Variants in SLC44A5 observed in about 807,000 individuals in gnomAD.
SLC44A5 encodes solute carrier family 44 member 5.
A neutral mutation model predicts 101.8 loss-of-function variants in SLC44A5; 57 were observed. That is an observed-to-expected ratio of 0.56 (90% CI 0.45 to 0.70). The LOEUF (loss-of-function observed/expected upper bound fraction) is 0.70, where lower values mean the gene tolerates loss of function less well. SLC44A5 is among the 30% of genes least tolerant of loss of function. The pLI is 0.00. For synonymous variants in SLC44A5, 281 were observed against 290.9 expected, an observed-to-expected ratio of 0.97 and a Z score of 0.35; for missense variants, 737 against 853.1, an observed-to-expected ratio of 0.86 and a Z score of 1.70.
the SLC44A5 span, among the ~76,000 whole-genome samples, chr1:75,654,894 G>A: frequency 6.6e-6 from 1 of 151,984 alleles, no homozygotes; most frequent in Non-Finnish European, 1.5e-5. Flanking sequence ...GCTAAAAATG[G>A]TCACCTTACT....
chr1:75,513,294 G>A (rs867248943), intron 2 of SLC44A5, among the ~76,000 whole-genome samples: 2 of 152,122 alleles, frequency 1.3e-5, no homozygotes, highest in East Asian at 1.9e-4. Flanking sequence ...TCCACTTGCC[G>A]GTATACACTA....
intron 4 of SLC44A5, among the ~76,000 whole-genome samples, chr1:75,314,156 T>G: frequency 6.6e-6 from 1 of 152,220 alleles, no homozygotes; most frequent in Non-Finnish European, 1.5e-5. Context: ...TCTCCTCCTT[T>G]AAACATTTAC....
At chr1:75,442,655 C>T (rs913967661) in intron 2 of SLC44A5, among the ~76,000 whole-genome samples, 2 of 152,144 alleles carry the variant, frequency 1.3e-5, no homozygotes, top group African/African-American at 4.8e-5. Context: ...CACCATGATC[C>T]TTGGCTATCA....
rs75559498 is a variant in SLC44A5 at position 75,460,018 on chromosome 1, A to T, written c.14-63397T>A. 4.3e-3 allele frequency among the ~76,000 whole-genome samples: 654 copies of T among 152,248 alleles called. 6 individuals are homozygous for T. Among genetic ancestry groups the T allele is most frequent in the African/African-American group, 0.015 (634 of 41,554 alleles). The stretch of plus-strand genomic sequence containing the variant: ...CTTGGAGAGTTGGTTTTAAAACTGG[A>T]TTGTTCAGGTAGCAGGTGTTCCTGA... On this transcript the variant is annotated intron_variant, in intron 2 of 23. Transcript: ENST00000370859.
At chr1:75,312,128 G>A (rs958153647) in intron 4 of SLC44A5, among the ~76,000 whole-genome samples, 2 of 152,080 alleles carry the variant, frequency 1.3e-5, no homozygotes, top group Non-Finnish European at 2.9e-5. Flanking sequence ...TTTATAAGGG[G>A]AAACCCCTTT....
intron 2 of SLC44A5, among the ~76,000 whole-genome samples, chr1:75,458,598 A>G (rs1056610459): frequency 3.3e-5 from 5 of 152,172 alleles, no homozygotes; most frequent in Admixed American, 1.3e-4. Context: ...TAAACTTGAG[A>G]AAAAAATTAC....
intron 4 of SLC44A5, among the ~76,000 whole-genome samples, chr1:75,306,766 G>T (rs1178858845): frequency 3.4e-5 from 4 of 119,296 alleles, no homozygotes; most frequent in East Asian, 2.2e-4. Context: ...ACGGAGTCTT[G>T]CTCTGTGGCC....
chr1:75,261,292 A>T (rs557956795), intron 6 of SLC44A5, among the ~76,000 whole-genome samples: 106 of 152,124 alleles, frequency 7.0e-4, no homozygotes, highest in Non-Finnish European at 1.2e-3. Context: ...AAAGAAGAAA[A>T]GAGAGAAGAA....
chr1:75,722,018 T>C, the SLC44A5 span, among the ~76,000 whole-genome samples: 2 of 152,162 alleles, frequency 1.3e-5, no homozygotes, highest in African/African-American at 4.8e-5. Context: ...TTATAGGAAA[T>C]GGTTATATAG....
chr1:75,217,632 C>T (rs1319965952), intron 18 of SLC44A5, among the ~76,000 whole-genome samples: 1 of 152,084 alleles, frequency 6.6e-6, no homozygotes. Flanking sequence ...CTGGCTTCCA[C>T]AGCTTAACAA....
At chr1:75,247,521 A>C (rs1649212960) in intron 7 of SLC44A5, among the ~76,000 whole-genome samples, 1 of 152,134 alleles carries the variant, frequency 6.6e-6, no homozygotes, top group African/African-American at 2.4e-5. Context: ...GATGGTGTTA[A>C]ACCCAATGGA....
At chr1:75,414,348 C>G (rs1466819112) in intron 2 of SLC44A5, among the ~76,000 whole-genome samples, 1 of 151,442 alleles carries the variant, frequency 6.6e-6, no homozygotes, top group Non-Finnish European at 1.5e-5. Context: ...CACACACACA[C>G]ACACACACAT....
At chr1:75,481,537 T>C (rs1160270574) in intron 2 of SLC44A5, among the ~76,000 whole-genome samples, 3 of 151,644 alleles carry the variant, frequency 2.0e-5, no homozygotes, top group African/African-American at 7.3e-5. Flanking sequence ...GAATCTACAA[T>C]GAGCTCAAAC....
At chr1:75,289,299 C>T (rs998522515) in intron 5 of SLC44A5, among the ~76,000 whole-genome samples, 1 of 152,096 alleles carries the variant, frequency 6.6e-6, no homozygotes, top group Non-Finnish European at 1.5e-5. Context: ...GGGCCTGTGG[C>T]AAATCTCTAT....
intron 3 of SLC44A5, 39 bp downstream of exon 3, chr1:75,396,544 G>C: frequency 2.7e-6 from 4 of 1,497,152 alleles, no homozygotes; most frequent in Non-Finnish European, 2.8e-6. Flanking sequence ...AGACTGTCAT[G>C]AAAGATTCTT....
intron 19 of SLC44A5, 66 bp downstream of exon 19, chr1:75,215,688 C>CA: frequency 1.1e-6 from 1 of 900,224 alleles, no homozygotes; most frequent in Non-Finnish European, 1.8e-6. Flanking sequence ...TTAGAGAGGG[C>CA]AATGTAGACA....
the SLC44A5 span, among the ~76,000 whole-genome samples, chr1:75,630,049 A>G: frequency 6.6e-6 from 1 of 152,142 alleles, no homozygotes; most frequent in Non-Finnish European, 1.5e-5. Flanking sequence ...TTCTAGCTCC[A>G]TCCCCCCAAT....
At chr1:75,676,166 T>C in the SLC44A5 span, among the ~76,000 whole-genome samples, 3 of 152,182 alleles carry the variant, frequency 2.0e-5, no homozygotes, top group African/African-American at 7.2e-5. Flanking sequence ...GAACTGGAAA[T>C]ACCGTTTGAT....
chr1:75,652,268 A>G, the SLC44A5 span, among the ~76,000 whole-genome samples: 1 of 152,254 alleles, frequency 6.6e-6, no homozygotes, highest in African/African-American at 2.4e-5. Context: ...ATAAAACCCT[A>G]AGTCAAATGT....
Sources: allele counts gnomAD v4.1 joint callset (sites outside exome capture counted in the v4.1 genomes callset), GRCh38; gene constraint gnomAD v4.1.1; transcripts MANE v1.5; gene names NCBI Gene and HGNC (gene_info 2026-07-23, HGNC 2026-07-21).